SMYD2: variants seen among roughly 807,000 people sequenced by gnomAD.
SMYD2 encodes the protein N-lysine methyltransferase SMYD2.
A neutral mutation model predicts 59.1 loss-of-function variants in SMYD2; 53 were observed. The observed-to-expected ratio is 0.90, with a 90% CI of 0.72 to 1.13. The LOEUF is 1.13. Among genes scored for constraint, SMYD2 ranks in the 50% most tolerant of loss-of-function variants. The pLI, the probability that SMYD2 is intolerant of heterozygous loss-of-function variation, is 0.00. For synonymous variants in SMYD2, 208 were observed against 198.8 expected, an observed-to-expected ratio of 1.05 and a Z score of -0.39; for missense variants, 494 against 544.7, an observed-to-expected ratio of 0.91 and a Z score of 0.93.
chr1:214,333,537 TGCCTCTGG>T (rs1309454317), intron 10 of SMYD2: 1 of 152,494 alleles, frequency 6.6e-6, no homozygotes, highest in African/African-American at 2.4e-5. Context: ...ACCCACCAGC[TGCCTCTGG>T]GCCCTGTTCT....
At chr1:214,288,843 C>T (rs906977924) in intron 1 of SMYD2, among the ~76,000 whole-genome samples, 1 of 151,680 alleles carries the variant, frequency 6.6e-6, no homozygotes, top group Non-Finnish European at 1.5e-5. Flanking sequence ...TAATATTACG[C>T]TAGGACTAAA....
intron 5 of SMYD2, among the ~76,000 whole-genome samples, chr1:214,323,073 C>A (rs1657199101): frequency 6.6e-6 from 1 of 152,152 alleles, no homozygotes; most frequent in African/African-American, 2.4e-5. Flanking sequence ...CCTTTGTCAC[C>A]AAGTATCTTT....
intron 1 of SMYD2, among the ~76,000 whole-genome samples, chr1:214,299,152 C>T (rs775337332): frequency 3.7e-4 from 57 of 152,108 alleles, no homozygotes; most frequent in Admixed American, 1.4e-3. Flanking sequence ...AGATTGAGAC[C>T]GTGTCTCCAG....
At chr1:214,324,498 T>C in intron 5 of SMYD2, 143 bp from the exon 6 acceptor site, 1 of 687,630 alleles carries the variant, frequency 1.5e-6, no homozygotes, top group Non-Finnish European at 2.4e-6. Flanking sequence ...GTTTGAACGA[T>C]AACATGGGCA....
intron 1 of SMYD2, among the ~76,000 whole-genome samples, chr1:214,303,794 CG>C (rs1395067793): frequency 6.6e-6 from 1 of 152,064 alleles, no homozygotes; most frequent in East Asian, 1.9e-4. Flanking sequence ...CCACCGCGCA[CG>C]CCCCCGCCCC....
At chr1:214,284,794 G>A (rs141445950) in intron 1 of SMYD2, among the ~76,000 whole-genome samples, 9,735 of 152,248 alleles carry the variant, frequency 0.064, 344 homozygotes, top group South Asian at 0.2. Flanking sequence ...AGGATTACAG[G>A]CGTGAGCCAC....
chr1:214,294,788 C>A (rs1352672173), intron 1 of SMYD2, among the ~76,000 whole-genome samples: 1 of 152,210 alleles, frequency 6.6e-6, no homozygotes, highest in African/African-American at 2.4e-5. Context: ...TGGGAACTCA[C>A]AATTAGCATT....
intron 5 of SMYD2, among the ~76,000 whole-genome samples, chr1:214,320,621 G>A (rs67229128): frequency 0.11 from 15,999 of 152,138 alleles, 1,078 homozygotes; most frequent in Middle Eastern, 0.2. Context: ...GAGAGACCCT[G>A]TCTATAAAGA....
intron 9 of SMYD2, 141 bp downstream of exon 9, chr1:214,331,211 G>A (rs1439993251): frequency 8.4e-7 from 1 of 1,192,240 alleles, no homozygotes; most frequent in African/African-American, 1.5e-5. Context: ...ATGTGTAAAG[G>A]CGTACTGACC....
At chr1:214,303,456 A>AG (rs1656858905) in intron 1 of SMYD2, among the ~76,000 whole-genome samples, 2 of 152,144 alleles carry the variant, frequency 1.3e-5, no homozygotes, top group Non-Finnish European at 2.9e-5. Context: ...GATATACCCT[A>AG]GGGGATAGGG....
At chr1:214,286,299 G>A (rs941762888) in intron 1 of SMYD2, among the ~76,000 whole-genome samples, 2 of 151,886 alleles carry the variant, frequency 1.3e-5, no homozygotes, top group Non-Finnish European at 2.9e-5. Flanking sequence ...GACCCCATTC[G>A]CTACAAAAAA....
chr1:214,309,583 G>T (rs1418921566), intron 2 of SMYD2, among the ~76,000 whole-genome samples: 2 of 152,190 alleles, frequency 1.3e-5, no homozygotes, highest in Non-Finnish European at 2.9e-5. Context: ...AGGAGCATGT[G>T]AGAAAATAGT....
chr1:214,283,782 A>C (rs568493240), intron 1 of SMYD2, among the ~76,000 whole-genome samples: 15 of 152,300 alleles, frequency 9.8e-5, no homozygotes, highest in African/African-American at 3.4e-4. Flanking sequence ...CACCCAAAAG[A>C]AAGCTACCCC....
chr1:214,310,574 A>C (rs1316971760), intron 2 of SMYD2, among the ~76,000 whole-genome samples: 2 of 148,724 alleles, frequency 1.3e-5, no homozygotes, highest in African/African-American at 2.5e-5. Context: ...CAGTCAGGGC[A>C]GGAGCACTAA....
intron 1 of SMYD2, among the ~76,000 whole-genome samples, chr1:214,291,433 G>C (rs943410108): frequency 2.0e-5 from 3 of 152,180 alleles, no homozygotes; most frequent in Non-Finnish European, 4.4e-5. Flanking sequence ...GAAGGGGGTT[G>C]GAAGGGCCTC....
chr1:214,331,032 A>G lies in SMYD2; in HGVS notation c.899A>G (p.Asn300Ser), dbSNP rs747695541. 6.2e-7 allele frequency: 1 copy of G among 1,614,242 alleles called. No homozygotes were observed. Among genetic ancestry groups the G allele is most frequent in the South Asian group, 1.1e-5 (1 of 91,086 alleles). The change falls in exon 9 of 12, where the codon AAC becomes AGC. Residue 300 changes from asparagine to serine, a missense_variant. Transcript: ENST00000366957. ...AIRDMVRYAR[N>S]VIEEFRRAKH... ...CGAGACATGGTCAGATATGCACGCAACGTCATTGAAGAGTTCCGGAGGGCC... is the reference window on the plus strand; with the variant it reads ...CGAGACATGGTCAGATATGCACGCAGCGTCATTGAAGAGTTCCGGAGGGCC...
chr1:214,305,397 C>G, intron 2 of SMYD2, 147 bp downstream of exon 2: 1 of 767,024 alleles, frequency 1.3e-6, no homozygotes, highest in Non-Finnish European at 2.2e-6. Flanking sequence ...CTGACCCCGA[C>G]CTCACAGGCG....
At chr1:214,301,972 A>T (rs143181988) in intron 1 of SMYD2, among the ~76,000 whole-genome samples, 387 of 152,290 alleles carry the variant, frequency 2.5e-3, no homozygotes, top group Non-Finnish European at 3.4e-3. Flanking sequence ...AGTAAAGTTA[A>T]TATTCATTAC....
chr1:214,334,903 G>T (rs1452556004), intron 11 of SMYD2, among the ~76,000 whole-genome samples: 1 of 152,152 alleles, frequency 6.6e-6, no homozygotes, highest in Admixed American at 6.5e-5. Flanking sequence ...GAAAGCTTCG[G>T]CTCCTCCCAC....
Sources: gnomAD v4.1 joint callset for allele counts (sites outside exome capture counted in the v4.1 genomes callset) on GRCh38, gnomAD v4.1.1 for gene constraint, MANE v1.5 for transcripts, NCBI Gene and HGNC (gene_info 2026-07-23, HGNC 2026-07-21) for gene names.